Variants in EYA4 observed in about 807,000 individuals in gnomAD.
EYA4 encodes EYA transcriptional coactivator and phosphatase 4.
Under a neutral mutation model 87.9 loss-of-function variants are expected in EYA4, and 31 were observed. The ratio of observed to expected loss-of-function variants is 0.35; its 90% confidence interval spans 0.27 to 0.48. The LOEUF (loss-of-function observed/expected upper bound fraction) is 0.48. EYA4 is among the 20% of genes least tolerant of loss of function. The pLI, the probability that EYA4 is intolerant of heterozygous loss-of-function variation, is 0.99. For missense variants in EYA4, 678 were observed against 761.4 expected (o/e 0.89, Z 1.29); for synonymous variants, 263 against 270.6 (o/e 0.97, Z 0.28).
At chr6:133,416,799 T>C (rs1789754081) in intron 3 of EYA4, among the ~76,000 whole-genome samples, 1 of 152,238 alleles carries the variant, frequency 6.6e-6, no homozygotes, top group African/African-American at 2.4e-5. Context: ...CCCTCTGCTC[T>C]TCACATACCT....
At chr6:133,347,753 G>A (rs1032337996) in intron 2 of EYA4, among the ~76,000 whole-genome samples, 2 of 152,132 alleles carry the variant, frequency 1.3e-5, no homozygotes, top group African/African-American at 4.8e-5. Context: ...TAAATAACTT[G>A]TCCCAAAATC....
At chr6:133,385,348 A>AT (rs1370354971) in intron 3 of EYA4, among the ~76,000 whole-genome samples, 3 of 130,852 alleles carry the variant, frequency 2.3e-5, no homozygotes, top group African/African-American at 9.0e-5. Flanking sequence ...ATACATATAT[A>AT]TATATTTTTT....
rs892157147 is a variant in EYA4 at position 133,308,539 on chromosome 6, C to T, written c.33+33726C>T. ...AATTACTTTTTCAATCATTCTCTCT[C>T]CCTCCTTCCCCTTTCTAATGGCTCC... is the stretch of plus-strand genomic sequence containing the variant. On this transcript the variant is annotated intron_variant, in intron 2 of 19. Coordinates refer to ENST00000355286, the MANE Select transcript of EYA4 (RefSeq NM_004100.5). Among the ~76,000 whole-genome samples, 17 of 152,126 alleles carry T rather than the reference C, an allele frequency of 1.1e-4. 1 individual carries two copies. Among genetic ancestry groups the T allele is most frequent in the Non-Finnish European group, 1.5e-5 (1 of 68,026 alleles).
At chr6:133,384,669 A>G (rs1207675825) in intron 3 of EYA4, among the ~76,000 whole-genome samples, 2 of 152,170 alleles carry the variant, frequency 1.3e-5, no homozygotes, top group African/African-American at 2.4e-5. Context: ...CAATCTCCAC[A>G]CTCTGGTCAA....
chr6:133,518,878 A>G (rs951519825), intron 17 of EYA4, among the ~76,000 whole-genome samples: 1 of 151,914 alleles, frequency 6.6e-6, no homozygotes, highest in South Asian at 2.1e-4. Flanking sequence ...AAACTGAACA[A>G]CCTGCTCCTG....
rs962428654 is a variant in EYA4, at chr6:133,525,845, G to T, written c.1839+591G>T. The T allele has an allele frequency of 1.6e-5, 15 of 932,874 alleles. No homozygotes were observed. The African/African-American group carries it at 2.7e-4, about 17-fold the overall frequency. 57.8% of individuals were successfully genotyped at this position (932,874 alleles called of 1,614,324 possible). The stretch of plus-strand genomic sequence containing the variant: ...ACTGCTACAAGAGATTTTAATAAGT[G>T]CTACTGAAATGGGATGTATTGCTCA... On this transcript the variant is annotated intron_variant, in intron 19 of 19. Transcript: ENST00000355286.
intron 1 of EYA4, among the ~76,000 whole-genome samples, chr6:133,258,378 T>C (rs1049701005): frequency 2.0e-5 from 3 of 152,234 alleles, no homozygotes; most frequent in African/African-American, 7.2e-5. Flanking sequence ...AATTCTTTTT[T>C]ATTGCGATCT....
Position 133,529,148 on chromosome 6 carries a change from G to A in EYA4, c.*343G>A. 6.8e-6 allele frequency: 8 copies of A among 1,179,960 alleles called. No homozygotes were observed. The highest frequency in any genetic ancestry group is 8.5e-6 in the Non-Finnish European group (8 of 939,952). The allele number at this position is 1,179,960 out of a possible 1,614,324, so 73.1% of individuals were successfully genotyped here. On this transcript the variant is annotated 3_prime_UTR_variant, in exon 20 of 20. Transcript: ENST00000355286. ...CAACACACATGCTCCGTCTGACAAG[G>A]TGGTCAACAACATTCCTCAAAATGG...
chr6:133,273,097 G>GTATGTA (rs1776854654), intron 1 of EYA4, among the ~76,000 whole-genome samples: 1 of 106,638 alleles, frequency 9.4e-6, no homozygotes, highest in African/African-American at 3.2e-5. Context: ...ATATATATAT[G>GTATGTA]TATATATATA....
chr6:133,529,902 G>T lies in EYA4; in HGVS notation c.*1097G>T. 1.0e-6 allele frequency: 1 copy of T among 984,982 alleles called. No homozygotes were observed. The highest frequency in any genetic ancestry group is 1.2e-6 in the Non-Finnish European group (1 of 829,602). The allele number at this position is 984,982 out of a possible 1,614,324, so 61.0% of individuals were successfully genotyped here. Reference sequence around the variant, plus strand: ...TGATATGTGTAAGTTGCATAGAGGAGGATATTATCATGCAAATCATGAGCA... The same window carrying T: ...TGATATGTGTAAGTTGCATAGAGGATGATATTATCATGCAAATCATGAGCA... On this transcript the variant is annotated 3_prime_UTR_variant, in exon 20 of 20. Coordinates refer to ENST00000355286, the MANE Select transcript of EYA4 (RefSeq NM_004100.5).
chr6:133,422,009 A>G (rs1013736239), intron 3 of EYA4, among the ~76,000 whole-genome samples: 7 of 152,204 alleles, frequency 4.6e-5, no homozygotes, highest in African/African-American at 1.4e-4. Flanking sequence ...AAGTTTTAGT[A>G]TCAGTGCTTT....
At chr6:133,249,917 G>A (rs6922463) in intron 1 of EYA4, among the ~76,000 whole-genome samples, 5,778 of 152,276 alleles carry the variant, frequency 0.038, 394 homozygotes, top group African/African-American at 0.13. Context: ...TTACTGGAAG[G>A]ATTAGCTGTA....
At chr6:133,487,002 T>C (rs545382855) in intron 13 of EYA4, among the ~76,000 whole-genome samples, 1 of 152,208 alleles carries the variant, frequency 6.6e-6, no homozygotes, top group South Asian at 2.1e-4. Flanking sequence ...AGAAAGACAG[T>C]CTTGACTTGC....
At chr6:133,314,552 T>C (rs188644776) in intron 2 of EYA4, among the ~76,000 whole-genome samples, 3 of 152,274 alleles carry the variant, frequency 2.0e-5, no homozygotes, top group African/African-American at 7.2e-5. Flanking sequence ...ATTATTCTAT[T>C]TTATAGAAAG....
chr6:133,328,714 CA>C (rs142399759), intron 2 of EYA4, among the ~76,000 whole-genome samples: 2 of 151,580 alleles, frequency 1.3e-5, no homozygotes, highest in African/African-American at 2.4e-5. Context: ...AACAAACAAA[CA>C]AAAAAACCAG....
chr6:133,262,941 A>G (rs1775915246), intron 1 of EYA4, among the ~76,000 whole-genome samples: 10 of 152,038 alleles, frequency 6.6e-5, no homozygotes, highest in Admixed American at 6.6e-4. Flanking sequence ...CAGGGAGGAG[A>G]GTCATGTGCA....
At chr6:133,522,062 A>G (rs1230050684) in intron 17 of EYA4, among the ~76,000 whole-genome samples, 1 of 145,758 alleles carries the variant, frequency 6.9e-6, no homozygotes, top group Admixed American at 6.8e-5. Context: ...ACATGTATGC[A>G]TATGTAACTA....
intron 19 of EYA4, among the ~76,000 whole-genome samples, chr6:133,527,040 T>C (rs781595534): frequency 2.0e-5 from 3 of 152,206 alleles, no homozygotes; most frequent in Non-Finnish European, 2.9e-5. Flanking sequence ...TTGTTATACC[T>C]AAAACTTCAG....
At chr6:133,296,786 A>G (rs982505254) in intron 2 of EYA4, among the ~76,000 whole-genome samples, 72 of 152,066 alleles carry the variant, frequency 4.7e-4, no homozygotes, top group African/African-American at 1.6e-3. Flanking sequence ...TTTATTTATC[A>G]TCTATCAGGT....
Sources: gnomAD v4.1 joint callset for allele counts (sites outside exome capture counted in the v4.1 genomes callset) on GRCh38, gnomAD v4.1.1 for gene constraint, MANE v1.5 for transcripts, NCBI Gene and HGNC (gene_info 2026-07-23, HGNC 2026-07-21) for gene names.